Variants in PCDHA2 observed in about 807,000 individuals in gnomAD.
PCDHA2 encodes protocadherin alpha-2.
In PCDHA2, 58 loss-of-function variants were observed where a neutral mutation model predicts 66.0. The ratio of observed to expected loss-of-function variants is 0.88; its 90% CI spans 0.71 to 1.09. PCDHA2 has a LOEUF of 1.09. Among genes scored for constraint, PCDHA2 ranks in the 50% least tolerant of loss-of-function variants. The probability of loss-of-function intolerance (pLI) is 0.00; values close to 1 mark genes in which losing one functional copy is unlikely to be tolerated. For missense variants in PCDHA2, 1,267 were observed against 1,242.3 expected (o/e 1.02, Z -0.30); for synonymous variants, 634 against 554.0 (o/e 1.14, Z -2.03).
At chr5:140,876,793 G>A (rs782321220) in intron 1 of PCDHA2, 2 of 1,614,240 alleles carry the variant, frequency 1.2e-6, no homozygotes, top group Non-Finnish European at 1.7e-6. Context: ...CACGGCTAGA[G>A]TGTCCGTGGA....
chr5:140,969,177 A>C, intron 1 of PCDHA2: 2 of 1,614,086 alleles, frequency 1.2e-6, no homozygotes, highest in Non-Finnish European at 1.7e-6. Flanking sequence ...TCAGGGAGTG[A>C]CACTTTCATG....
chr5:140,914,758 C>T (rs1435498037), intron 1 of PCDHA2, among the ~76,000 whole-genome samples: 3 of 151,912 alleles, frequency 2.0e-5, no homozygotes, highest in Non-Finnish European at 4.4e-5. Context: ...TTTGAGGTTA[C>T]ATGAGGTTTA....
chr5:140,851,967 A>G, intron 1 of PCDHA2: 1 of 977,046 alleles, frequency 1.0e-6, no homozygotes, highest in Non-Finnish European at 1.2e-6. Flanking sequence ...GGTTTTCCAC[A>G]CTCTACCTTT....
At chr5:140,885,917 T>G (rs2060772831) in intron 1 of PCDHA2, among the ~76,000 whole-genome samples, 1 of 152,212 alleles carries the variant, frequency 6.6e-6, no homozygotes, top group Non-Finnish European at 1.5e-5. Flanking sequence ...TTATAGATAT[T>G]AACTGTTTAT....
intron 1 of PCDHA2, chr5:140,884,399 T>C (rs1554181524): frequency 6.2e-6 from 10 of 1,613,990 alleles, no homozygotes; most frequent in African/African-American, 4.0e-5. Flanking sequence ...GTCCAGCCTG[T>C]TGGTGCTCAC....
rs781875497 is a variant in PCDHA2 at position 140,995,949 on chromosome 5, G to A, written c.2536+13386G>A. Among the ~76,000 whole-genome samples, 8 of 152,160 alleles carry A rather than the reference G, an allele frequency of 5.3e-5. No homozygotes were observed. In the East Asian group the frequency reaches 7.7e-4, roughly 15 times the overall value. ...GTAAGTATTAAATGACATAATGCACGCAAAATGCTTAGAACCATGCTTAGT... is the reference window on the plus strand; with the variant it reads ...GTAAGTATTAAATGACATAATGCACACAAAATGCTTAGAACCATGCTTAGT... On this transcript the variant is annotated intron_variant, in intron 3 of 3. Transcript: ENST00000526136.
chr5:140,993,508 ACG>A (rs2097567607), intron 3 of PCDHA2, among the ~76,000 whole-genome samples: 1 of 147,006 alleles, frequency 6.8e-6, no homozygotes, highest in Non-Finnish European at 1.5e-5. Context: ...ACACACACAC[ACG>A]GGGAGAGAGA....
intron 1 of PCDHA2, among the ~76,000 whole-genome samples, chr5:140,839,342 G>A (rs1463316254): frequency 2.0e-5 from 3 of 150,644 alleles, no homozygotes; most frequent in East Asian, 3.9e-4. Flanking sequence ...GTTGATAGGG[G>A]ATCCTCCTTA....
At chr5:140,805,708 A>T in intron 1 of PCDHA2, 1 of 633,596 alleles carries the variant, frequency 1.6e-6, no homozygotes, top group Non-Finnish European at 2.0e-6. Flanking sequence ...GAATTAGAAT[A>T]AAAATTAAGC....
intron 1 of PCDHA2, among the ~76,000 whole-genome samples, chr5:140,933,393 C>G (rs1419190705): frequency 2.6e-5 from 4 of 151,956 alleles, no homozygotes; most frequent in Admixed American, 1.3e-4. Context: ...CTAGAGCCAT[C>G]TGGTTACCAT....
At chr5:141,000,238 G>T (rs111531743) in intron 3 of PCDHA2, among the ~76,000 whole-genome samples, 3 of 151,558 alleles carry the variant, frequency 2.0e-5, no homozygotes, top group African/African-American at 7.3e-5. Flanking sequence ...GCTGAATGTG[G>T]TGGCTGACAC....
At chr5:140,992,457 A>G (rs2097512834) in intron 3 of PCDHA2, among the ~76,000 whole-genome samples, 1 of 152,136 alleles carries the variant, frequency 6.6e-6, no homozygotes, top group Non-Finnish European at 1.5e-5. Context: ...GCAGCAGAGG[A>G]CAGTACTCTT....
At chr5:140,901,643 G>A (rs1011127972) in intron 1 of PCDHA2, among the ~76,000 whole-genome samples, 7 of 151,908 alleles carry the variant, frequency 4.6e-5, no homozygotes, top group Non-Finnish European at 8.8e-5. Context: ...TGATTCTTCC[G>A]GTTTTGTTCT....
At chr5:140,826,294 A>G (rs1305624310) in intron 1 of PCDHA2, among the ~76,000 whole-genome samples, 1 of 152,114 alleles carries the variant, frequency 6.6e-6, no homozygotes, top group African/African-American at 2.4e-5. Context: ...TGTCTTTTTT[A>G]TAGGAACCTC....
intron 1 of PCDHA2, chr5:140,871,249 C>A (rs782675743): frequency 8.1e-6 from 13 of 1,613,984 alleles, no homozygotes; most frequent in South Asian, 1.1e-5. Flanking sequence ...CACGCTGCTG[C>A]TGTATACGGC....
chr5:140,837,989 C>T (rs1167865074), intron 1 of PCDHA2, among the ~76,000 whole-genome samples: 3 of 151,358 alleles, frequency 2.0e-5, no homozygotes, highest in Non-Finnish European at 4.4e-5. Context: ...TGCCTTTCAT[C>T]TTTCCTTTTT....
chr5:140,860,498 A>G (rs1440089357), intron 1 of PCDHA2: 3 of 152,224 alleles, frequency 2.0e-5, no homozygotes, highest in Non-Finnish European at 4.4e-5. Flanking sequence ...GGATGTCTAC[A>G]TACAAGATAA....
intron 1 of PCDHA2, chr5:140,803,960 T>C (rs1030150436): frequency 4.2e-5 from 14 of 336,202 alleles, no homozygotes; most frequent in Non-Finnish European, 7.0e-5. Flanking sequence ...CAATATCTTT[T>C]GCCACTTTTC....
At chr5:140,867,140 CATT>C (rs782677875) in intron 1 of PCDHA2, 7 of 152,092 alleles carry the variant, frequency 4.6e-5, no homozygotes, top group Non-Finnish European at 1.0e-4. Context: ...GTGATATTAT[CATT>C]TTTCCAGAGT....
Sources: allele counts gnomAD v4.1 joint callset (sites outside exome capture counted in the v4.1 genomes callset), GRCh38; gene constraint gnomAD v4.1.1; transcripts MANE v1.5; gene names NCBI Gene and HGNC (gene_info 2026-07-23, HGNC 2026-07-21).